SNTA1: variants seen among roughly 807,000 people sequenced by gnomAD.
SNTA1 encodes alpha-1-syntrophin.
In SNTA1, 31 loss-of-function variants were observed where a neutral mutation model predicts 47.1. The ratio of observed to expected loss-of-function variants is 0.66; its 90% CI spans 0.49 to 0.89. SNTA1 has a LOEUF of 0.89. Among genes scored for constraint, SNTA1 ranks in the 40% least tolerant of loss-of-function variants. The pLI is 0.00. For synonymous variants in SNTA1, 300 were observed against 313.6 expected (o/e 0.96, Z 0.46); for missense variants, 575 against 693.0 (o/e 0.83, Z 1.91).
At chr20:33,410,085 G>A (rs1430557141) in intron 6 of SNTA1, 50 bp downstream of exon 6, 1 of 1,583,910 alleles carries the variant, frequency 6.3e-7, no homozygotes, top group South Asian at 1.1e-5. Flanking sequence ...ATGCCCCTGG[G>A]GATAAGAGGC....
At chr20:33,409,463 T>A (rs963635824) in intron 6 of SNTA1, among the ~76,000 whole-genome samples, 2 of 151,208 alleles carry the variant, frequency 1.3e-5, no homozygotes, top group Non-Finnish European at 2.9e-5. Flanking sequence ...CAAACCCAAC[T>A]TCCTTTTTTT....
At chr20:33,430,669 CG>C (rs1568758277) in intron 2 of SNTA1, among the ~76,000 whole-genome samples, 1 of 151,698 alleles carries the variant, frequency 6.6e-6, no homozygotes, top group African/African-American at 2.4e-5. Context: ...GAGTTTTCGC[CG>C]GGCGCAGTGG....
rs567831316 is a variant in SNTA1, at chr20:33,414,605, T to A, written c.702-1823A>T. 8.5e-5 allele frequency among the ~76,000 whole-genome samples: 13 copies of A among 152,216 alleles called. No homozygotes were observed. In the South Asian group the frequency reaches 2.7e-3, roughly 32 times the overall value. ...CGAGATCCCCCATCTCAAAAAGAAA[T>A]AATAAATTATTGTTTTCTAAACCAC... On this transcript the variant is annotated intron_variant, in intron 3 of 7. Transcript: ENST00000217381.
At chr20:33,438,087 G>A (rs958167980) in intron 2 of SNTA1, among the ~76,000 whole-genome samples, 2 of 152,160 alleles carry the variant, frequency 1.3e-5, no homozygotes, top group African/African-American at 2.4e-5. Flanking sequence ...GATCACCTAA[G>A]GCCAGGAGTT....
At chr20:33,409,300 G>A (rs1250418641) in intron 6 of SNTA1, among the ~76,000 whole-genome samples, 2 of 152,172 alleles carry the variant, frequency 1.3e-5, no homozygotes, top group Non-Finnish European at 2.9e-5. Flanking sequence ...ATTCAAATGA[G>A]GCTGGGTGTC....
chr20:33,431,334 C>T (rs1990302320), intron 2 of SNTA1, among the ~76,000 whole-genome samples: 1 of 152,100 alleles, frequency 6.6e-6, no homozygotes, highest in Non-Finnish European at 1.5e-5. Context: ...GCTCATATTC[C>T]ATCTCTGCCA....
rs3171370 is a variant in SNTA1, at chr20:33,408,225, G to A, written c.*282C>T. The A allele has an allele frequency of 2.1e-6, 1 of 468,360 alleles. No individual in the cohort carries two copies. The highest frequency in any genetic ancestry group is 2.0e-5 in the African/African-American group (1 of 50,812). The allele number at this position is 468,360 out of a possible 1,614,324, so 29.0% of individuals were successfully genotyped here. ...AGGATCCGCACAGGGGCAGGTCCCA[G>A]ACTCGGAATGGCTTCTGTGTACACA... is the stretch of plus-strand genomic sequence containing the variant. On this transcript the variant is annotated 3_prime_UTR_variant, in exon 8 of 8. Coordinates refer to ENST00000217381, the MANE Select transcript of SNTA1 (RefSeq NM_003098.3).
chr20:33,434,291 T>C (rs1035957564), intron 2 of SNTA1, among the ~76,000 whole-genome samples: 9 of 152,118 alleles, frequency 5.9e-5, no homozygotes, highest in African/African-American at 1.9e-4. Flanking sequence ...CTGATCACTC[T>C]TGCCATTCAG....
intron 6 of SNTA1, among the ~76,000 whole-genome samples, chr20:33,409,324 C>A (rs1051890573): frequency 3.9e-5 from 6 of 152,136 alleles, no homozygotes; most frequent in African/African-American, 1.4e-4. Flanking sequence ...TATTTATTTC[C>A]TCTGGCAACC....
chr20:33,425,734 T>C (rs1272418003), intron 2 of SNTA1, among the ~76,000 whole-genome samples: 1 of 151,798 alleles, frequency 6.6e-6, no homozygotes, highest in African/African-American at 2.4e-5. Flanking sequence ...CTCTGTGACC[T>C]TGAACAAGTG....
At chr20:33,440,640 C>T (rs1990555847) in intron 1 of SNTA1, among the ~76,000 whole-genome samples, 1 of 150,682 alleles carries the variant, frequency 6.6e-6, no homozygotes, top group Admixed American at 6.6e-5. Flanking sequence ...AACAAGACTC[C>T]ATCTCAAAAT....
intron 2 of SNTA1, among the ~76,000 whole-genome samples, chr20:33,418,786 C>G (rs1989942784): frequency 1.3e-5 from 1 of 76,648 alleles, no homozygotes; most frequent in Admixed American, 2.0e-4. Flanking sequence ...TAACAAGACT[C>G]TGTCTCAAAA....
At chr20:33,418,196 A>G (rs1422920123) in intron 2 of SNTA1, among the ~76,000 whole-genome samples, 1 of 151,404 alleles carries the variant, frequency 6.6e-6, no homozygotes, top group Non-Finnish European at 1.5e-5. Flanking sequence ...ATAGACATAC[A>G]GCCACCTGGA....
At chr20:33,419,292 C>A (rs142996198) in intron 2 of SNTA1, among the ~76,000 whole-genome samples, 1 of 152,154 alleles carries the variant, frequency 6.6e-6, no homozygotes, top group African/African-American at 2.4e-5. Context: ...GCCCAGCCAA[C>A]GTGCCCTGTG....
rs866386973 is a variant in SNTA1, at chr20:33,443,559, G to A, written c.62C>T (p.Ser21Leu). The change falls in exon 1 of 8, where the codon TCG becomes TTG. Residue 21 changes from serine (S) to leucine (L), a missense_variant. Transcript: ENST00000217381. ...CTGCCATCGCTCGCCGCCGGCCCCC[G>A]AGCCCGCCCCGGCGCGCAGCTCCAG... Reference protein sequence around the residue: ...GLLELRAGAGSGAGGERWQRV... With the variant: ...GLLELRAGAGLGAGGERWQRV... 1 of 1,329,994 alleles carries A rather than the reference G, an allele frequency of 7.5e-7. No individual in the cohort carries two copies. The allele number at this position is 1,329,994 out of a possible 1,614,324, so 82.4% of individuals were successfully genotyped here.
chr20:33,423,695 G>T (rs115237830), intron 2 of SNTA1, among the ~76,000 whole-genome samples: 2,493 of 152,306 alleles, frequency 0.016, 62 homozygotes, highest in African/African-American at 0.056. Context: ...CACTCATCAG[G>T]CCCAGTATAA....
chr20:33,415,169 A>G (rs959424180), intron 3 of SNTA1, among the ~76,000 whole-genome samples: 3 of 152,198 alleles, frequency 2.0e-5, no homozygotes, highest in East Asian at 3.8e-4. Flanking sequence ...ACAAACACAC[A>G]TGTACAAATC....
chr20:33,421,224 G>A (rs1600847778), intron 2 of SNTA1, among the ~76,000 whole-genome samples: 1 of 151,726 alleles, frequency 6.6e-6, no homozygotes, highest in South Asian at 2.1e-4. Context: ...GGAGTCAGAT[G>A]CTCTTGGATT....
At chr20:33,435,365 A>T (rs948795206) in intron 2 of SNTA1, among the ~76,000 whole-genome samples, 1 of 150,176 alleles carries the variant, frequency 6.7e-6, no homozygotes, top group Non-Finnish European at 1.5e-5. Flanking sequence ...TGGGAGGCCC[A>T]GGCAGGCAGA....
Sources: gnomAD v4.1 joint callset for allele counts (sites outside exome capture counted in the v4.1 genomes callset) on GRCh38, gnomAD v4.1.1 for gene constraint, MANE v1.5 for transcripts, NCBI Gene and HGNC (gene_info 2026-07-23, HGNC 2026-07-21) for gene names.